The following RBM4 variants were observed in gnomAD, a reference collection of about 807,000 sequenced individuals.
RBM4 encodes RNA binding motif protein 4.
In RBM4, 7 loss-of-function variants were observed where a neutral mutation model predicts 29.5. The ratio of observed to expected loss-of-function variants is 0.24; its 90% CI spans 0.14 to 0.45. RBM4 has a LOEUF of 0.45. Ranked by LOEUF, RBM4 falls within the 20% of genes least tolerant of loss-of-function variation. The pLI, the probability that RBM4 is intolerant of heterozygous loss-of-function variation, is 1.00. For missense variants in RBM4, 387 were observed against 502.3 expected, an observed-to-expected ratio of 0.77 and a Z score of 2.19; for synonymous variants, 220 against 205.4, an observed-to-expected ratio of 1.07 and a Z score of -0.61.
chr11:66,660,877 G>A (rs1016974316), intron 2 of RBM4, among the ~76,000 whole-genome samples: 5 of 151,250 alleles, frequency 3.3e-5, no homozygotes, highest in East Asian at 3.9e-4. Flanking sequence ...GGATGGTCTC[G>A]ATCTCCTGAC....
intron 2 of RBM4, among the ~76,000 whole-genome samples, chr11:66,662,601 C>T (rs1045360064): frequency 6.6e-6 from 1 of 152,096 alleles, no homozygotes; most frequent in Non-Finnish European, 1.5e-5. Flanking sequence ...TGGGGTTTCA[C>T]CATGTTGCCC....
chr11:66,665,408 G>GTCAACT, intron 2 of RBM4: 1 of 647,486 alleles, frequency 1.5e-6, no homozygotes. Context: ...ACTAGTTTCA[G>GTCAACT]GAGGAAAGAA....
At chr11:66,639,551 C>T (rs904810447) in intron 1 of RBM4, 149 bp from the exon 2 acceptor site, 9 of 1,030,684 alleles carry the variant, frequency 8.7e-6, no homozygotes, top group African/African-American at 1.6e-5. Context: ...TTAGTTCACT[C>T]CCACTTCCAT....
intron 2 of RBM4, among the ~76,000 whole-genome samples, chr11:66,654,775 A>C (rs12807979): frequency 0.076 from 11,269 of 148,222 alleles, 619 homozygotes; most frequent in Middle Eastern, 0.14. Context: ...GCCTCAGCCT[A>C]CCAAAGTGGT....
downstream of RBM4, chr11:66,646,484 G>C (rs545655876): frequency 6.0e-6 from 6 of 993,546 alleles, no homozygotes; most frequent in South Asian, 2.3e-4. Flanking sequence ...TGTGTGCTTT[G>C]CGAGACTTCT....
chr11:66,665,444 G>C (rs1939189855), intron 2 of RBM4: 1 of 724,848 alleles, frequency 1.4e-6, no homozygotes, highest in Non-Finnish European at 2.4e-6. Flanking sequence ...AATTAAGAAA[G>C]AAAACATAGT....
intron 2 of RBM4, chr11:66,640,447 A>G (rs1938394703): frequency 1.9e-6 from 1 of 518,586 alleles, no homozygotes. Context: ...GTAGTAGAGC[A>G]CAGTTCAGAG....
chr11:66,647,755 A>G (rs1057486342), downstream of RBM4, among the ~76,000 whole-genome samples: 1 of 152,196 alleles, frequency 6.6e-6, no homozygotes, highest in Non-Finnish European at 1.5e-5. Context: ...AGTGTTGGCG[A>G]TACATACGGT....
chr11:66,649,273 C>T (rs1021949560), downstream of RBM4, among the ~76,000 whole-genome samples: 2 of 152,202 alleles, frequency 1.3e-5, no homozygotes. Context: ...GCTGGAATTA[C>T]AGGCATGAGC....
intron 2 of RBM4, among the ~76,000 whole-genome samples, chr11:66,641,835 G>C (rs1938477577): frequency 6.6e-6 from 1 of 151,734 alleles, no homozygotes; most frequent in African/African-American, 2.4e-5. Context: ...CTCAGTGTTG[G>C]GTATCTTCTC....
chr11:66,653,171 G>T (rs1938868553), intron 2 of RBM4, among the ~76,000 whole-genome samples: 1 of 152,046 alleles, frequency 6.6e-6, no homozygotes, highest in Admixed American at 6.6e-5. Flanking sequence ...TGAGTTTGGG[G>T]CTTCCTTTGT....
intron 2 of RBM4, among the ~76,000 whole-genome samples, chr11:66,662,844 C>T (rs1486239371): frequency 6.6e-6 from 1 of 152,116 alleles, no homozygotes; most frequent in Non-Finnish European, 1.5e-5. Flanking sequence ...AGCATCTTTG[C>T]CTTATTTTCC....
At chr11:66,650,440 G>A (rs560452342), downstream of RBM4, among the ~76,000 whole-genome samples, 19 of 152,170 alleles carry the variant, frequency 1.2e-4, no homozygotes, top group Admixed American at 7.9e-4. Context: ...GCATGGTGGT[G>A]GGCACCTGTA....
chr11:66,647,180 C>T (rs537100545), downstream of RBM4, among the ~76,000 whole-genome samples: 1 of 152,308 alleles, frequency 6.6e-6, no homozygotes, highest in South Asian at 2.1e-4. Context: ...CCTTCTTGCT[C>T]CAGTTTCTAC....
chr11:66,659,635 C>T (rs756245879), intron 2 of RBM4, among the ~76,000 whole-genome samples: 2 of 152,076 alleles, frequency 1.3e-5, no homozygotes, highest in Non-Finnish European at 2.9e-5. Flanking sequence ...CTGAGACTCC[C>T]CACTCTAAAA....
intron 2 of RBM4, chr11:66,665,561 A>G: frequency 6.5e-7 from 1 of 1,532,694 alleles, no homozygotes; most frequent in South Asian, 1.2e-5. Flanking sequence ...CCGAGGGTTC[A>G]GTCCGCAATT....
At chr11:66,651,688 A>G (rs1938835567) in intron 2 of RBM4, among the ~76,000 whole-genome samples, 3 of 152,122 alleles carry the variant, frequency 2.0e-5, no homozygotes, top group South Asian at 2.1e-4. Flanking sequence ...TGCTGTAACA[A>G]AAGACCGTAA....
exon 3 of RBM4, chr11:66,668,372 A>G: frequency 2.2e-6 from 1 of 461,732 alleles, no homozygotes; most frequent in Non-Finnish European, 3.9e-6. Context: ...GAATGTTCTC[A>G]CTAACAAACT....
At chr11:66,665,516 A>T in intron 2 of RBM4, 1 of 1,238,874 alleles carries the variant, frequency 8.1e-7, no homozygotes, top group Non-Finnish European at 1.1e-6. Flanking sequence ...GGCAAAGGGG[A>T]CCGCGCGGAG....
Sources: allele counts gnomAD v4.1 joint callset (sites outside exome capture counted in the v4.1 genomes callset), GRCh38; gene constraint gnomAD v4.1.1; transcripts MANE v1.5; gene names NCBI Gene and HGNC (gene_info 2026-07-23, HGNC 2026-07-21).